The following MTCL1 variants were observed in gnomAD, a reference collection of about 807,000 sequenced individuals.
MTCL1 encodes the protein microtubule crosslinking factor 1, also known as microtubule cross-linking factor 1.
Under a neutral mutation model 141.4 loss-of-function variants are expected in MTCL1, and 79 were observed. The ratio of observed to expected loss-of-function variants is 0.56; its 90% CI spans 0.47 to 0.67. MTCL1 has a LOEUF of 0.67. MTCL1 is among the 30% of genes least tolerant of loss of function. MTCL1 has a pLI of 0.00. For missense variants in MTCL1, 2,177 were observed against 2,113.9 expected, an observed-to-expected ratio of 1.03 and a Z score of -0.59; for synonymous variants, 914 against 875.8, an observed-to-expected ratio of 1.04 and a Z score of -0.77.
chr18:8,715,158 T>C (rs1364745156), upstream of MTCL1, among the ~76,000 whole-genome samples: 1 of 152,236 alleles, frequency 6.6e-6, no homozygotes, highest in Non-Finnish European at 1.5e-5. Flanking sequence ...TATTGCTATT[T>C]ACATCTGGTC....
At chr18:8,768,789 C>CTTTTTTTTTTTTT (rs773958752) in intron 4 of MTCL1, among the ~76,000 whole-genome samples, 2 of 117,894 alleles carry the variant, frequency 1.7e-5, no homozygotes, top group East Asian at 2.6e-4. Context: ...CTTTTCTTCT[C>CTTTTTTTTTTTTT]TTTTTTTTTT....
intron 4 of MTCL1, among the ~76,000 whole-genome samples, chr18:8,761,611 A>G (rs574284055): frequency 2.6e-5 from 4 of 152,218 alleles, no homozygotes; most frequent in Non-Finnish European, 5.9e-5. Context: ...AAAGACATAC[A>G]CAAGACTGGA....
chr18:8,767,696 A>G (rs572229001), intron 4 of MTCL1, among the ~76,000 whole-genome samples: 1 of 151,952 alleles, frequency 6.6e-6, no homozygotes, highest in Non-Finnish European at 1.5e-5. Flanking sequence ...GAGGTGTGGG[A>G]TGTTTGCATT....
At chr18:8,819,238 G>A in exon 13 of MTCL1, 1 of 1,614,190 alleles carries the variant, frequency 6.2e-7, no homozygotes, top group Non-Finnish European at 8.5e-7. Flanking sequence ...CCGAGAGGGA[G>A]TTCAGGAACC....
chr18:8,831,617 G>A (rs11665124), exon 17 of MTCL1: 113,562 of 1,550,446 alleles, frequency 0.073, 4,592 homozygotes, highest in Middle Eastern at 0.084. Flanking sequence ...GAACTACCTT[G>A]TTCTGCACTA....
intron 4 of MTCL1, among the ~76,000 whole-genome samples, chr18:8,759,503 A>G (rs968445982): frequency 3.9e-5 from 6 of 152,168 alleles, no homozygotes; most frequent in Non-Finnish European, 7.3e-5. Flanking sequence ...TGCTTAGATC[A>G]TTTTGAGACT....
intron 1 of MTCL1, among the ~76,000 whole-genome samples, chr18:8,708,952 G>A (rs1255570118): frequency 6.6e-6 from 1 of 152,176 alleles, no homozygotes; most frequent in Non-Finnish European, 1.5e-5. Flanking sequence ...TGCATGTGAG[G>A]TACTCATTTG....
rs1568103372 is a variant in MTCL1 at position 8,822,692 on chromosome 18, C to A, written c.3188+1194C>A. 6.7e-6 allele frequency among the ~76,000 whole-genome samples: 1 copy of A among 149,272 alleles called. No homozygotes were observed. ...TGTATACAGGACGTATTTTGATTAT[C>A]TTTTTTTTTTGCAGCTTATGTATGT... is the stretch of plus-strand genomic sequence containing the variant. On this transcript the variant is annotated intron_variant, in intron 14 of 16. Coordinates refer to ENST00000359865, the Ensembl canonical transcript of MTCL1. The surrounding 1 kb of genome is among the most constrained non-coding windows in gnomAD (Gnocchi z 4.6).
chr18:8,773,834 A>G (rs1446645674), intron 4 of MTCL1, among the ~76,000 whole-genome samples: 1 of 152,112 alleles, frequency 6.6e-6, no homozygotes, highest in Non-Finnish European at 1.5e-5. Flanking sequence ...AAAATCTCAT[A>G]TATTCTTTAT....
At chr18:8,723,473 C>T (rs1415235229) in intron 4 of MTCL1, among the ~76,000 whole-genome samples, 1 of 152,184 alleles carries the variant, frequency 6.6e-6, no homozygotes, top group African/African-American at 2.4e-5. Flanking sequence ...TTGTGTGTGT[C>T]TGAGCAGCAG....
chr18:8,819,197 G>A, exon 13 of MTCL1: 1 of 1,614,230 alleles, frequency 6.2e-7, no homozygotes, highest in East Asian at 2.2e-5. Context: ...GTCCCTGGAT[G>A]ACGAGCCAGA....
At chr18:8,758,113 C>A (rs1055405126) in intron 4 of MTCL1, among the ~76,000 whole-genome samples, 3 of 151,760 alleles carry the variant, frequency 2.0e-5, no homozygotes, top group African/African-American at 7.3e-5. Flanking sequence ...CAACCTCCAC[C>A]TCCCGGGTTC....
intron 10 of MTCL1, among the ~76,000 whole-genome samples, chr18:8,802,674 T>C (rs2076160968): frequency 1.3e-5 from 2 of 152,230 alleles, no homozygotes; most frequent in Admixed American, 1.3e-4. Context: ...AAGTTTGACA[T>C]ATTATAGCAC....
At chr18:8,814,015 T>G (rs894554461) in intron 12 of MTCL1, among the ~76,000 whole-genome samples, 6 of 152,210 alleles carry the variant, frequency 3.9e-5, no homozygotes, top group Non-Finnish European at 8.8e-5. Context: ...GTCACACACT[T>G]ATAAATTTAT....
chr18:8,783,555 A>T (rs977167590), exon 6 of MTCL1: 1 of 1,604,812 alleles, frequency 6.2e-7, no homozygotes, highest in Non-Finnish European at 8.5e-7. Flanking sequence ...TTGAGGTGCC[A>T]GCTCCAGTTT....
chr18:8,723,083 T>G (rs781534547), intron 4 of MTCL1, among the ~76,000 whole-genome samples: 1 of 152,286 alleles, frequency 6.6e-6, no homozygotes, highest in South Asian at 2.1e-4. Context: ...AATTGTTCCA[T>G]TGGAATGAAA....
intron 4 of MTCL1, among the ~76,000 whole-genome samples, chr18:8,760,077 A>G (rs2096423188): frequency 6.6e-6 from 1 of 152,218 alleles, no homozygotes; most frequent in South Asian, 2.1e-4. Context: ...CCAAAGCCAC[A>G]GCACATTCCT....
chr18:8,753,732 G>A (rs1310633454), intron 4 of MTCL1, among the ~76,000 whole-genome samples: 1 of 152,170 alleles, frequency 6.6e-6, no homozygotes, highest in African/African-American at 2.4e-5. Flanking sequence ...AGCCATCAAG[G>A]TTTCTCACTG....
intron 4 of MTCL1, among the ~76,000 whole-genome samples, chr18:8,756,667 T>C (rs2096403434): frequency 6.6e-6 from 1 of 151,608 alleles, no homozygotes; most frequent in African/African-American, 2.4e-5. Flanking sequence ...CCTTTAAAGG[T>C]GAGGAAGAAA....
Sources: allele counts gnomAD v4.1 joint callset (sites outside exome capture counted in the v4.1 genomes callset), GRCh38; gene constraint gnomAD v4.1.1; non-coding constraint Gnocchi (gnomAD v3.1); transcripts MANE v1.5; gene names NCBI Gene and HGNC (gene_info 2026-07-23, HGNC 2026-07-21).